Variants in CNGB1 observed in about 807,000 individuals in gnomAD.
The protein encoded by CNGB1 is cyclic nucleotide gated channel subunit beta 1.
In CNGB1, 126 loss-of-function variants were observed where a neutral mutation model predicts 151.7. That is an observed-to-expected ratio of 0.83 (90% confidence interval 0.72 to 0.96). CNGB1 has a LOEUF of 0.96. Ranked by LOEUF, CNGB1 falls within the 40% of genes least tolerant of loss-of-function variation. The pLI, the probability that CNGB1 is intolerant of heterozygous loss-of-function variation, is 0.00. For missense variants in CNGB1, 1,698 were observed against 1,627.0 expected (o/e 1.04, Z -0.75); for synonymous variants, 623 against 635.1 (o/e 0.98, Z 0.29).
At chr16:57,894,575 C>G (rs1960174001) in intron 31 of CNGB1, among the ~76,000 whole-genome samples, 1 of 152,086 alleles carries the variant, frequency 6.6e-6, no homozygotes, top group Non-Finnish European at 1.5e-5. Context: ...CACTCCAGCC[C>G]AGGCTACAGA....
chr16:57,899,605 A>G (rs1039413466), intron 29 of CNGB1, among the ~76,000 whole-genome samples: 13 of 152,028 alleles, frequency 8.6e-5, no homozygotes, highest in Admixed American at 7.9e-4. Flanking sequence ...GTGCCACTGC[A>G]CTCCACCCTG....
chr16:57,935,652 C>T (rs574563986), intron 16 of CNGB1, among the ~76,000 whole-genome samples: 2 of 150,138 alleles, frequency 1.3e-5, no homozygotes, highest in African/African-American at 4.9e-5. Flanking sequence ...CGTCCCCCCC[C>T]AAAAAAAAAT....
chr16:57,913,459 T>C (rs1288243277), intron 23 of CNGB1, among the ~76,000 whole-genome samples: 1 of 152,208 alleles, frequency 6.6e-6, no homozygotes, highest in Non-Finnish European at 1.5e-5. Flanking sequence ...GAGCACCTAT[T>C]ATATGACTGG....
At chr16:57,955,100 T>C in intron 12 of CNGB1, 2 of 1,401,842 alleles carry the variant, frequency 1.4e-6, no homozygotes, top group Non-Finnish European at 1.9e-6. Context: ...CTAGCCTAAA[T>C]CTTGCAGGCT....
Position 57,883,723 on chromosome 16 carries a change from A to C in CNGB1, c.*441T>G. Reference sequence around the variant, plus strand: ...CATGAGCCACCATGCCCGGCAGTGAAGTATTTTCTATCCTTGAAATGTGTT... The same window carrying C: ...CATGAGCCACCATGCCCGGCAGTGACGTATTTTCTATCCTTGAAATGTGTT... On this transcript the variant is annotated 3_prime_UTR_variant, in exon 33 of 33. Coordinates refer to ENST00000251102, the MANE Select transcript of CNGB1 (RefSeq NM_001297.5). The C allele has an allele frequency of 4.5e-6, 1 of 223,602 alleles. No homozygotes were observed. Among genetic ancestry groups the C allele is most frequent in the Non-Finnish European group, 9.0e-6 (1 of 111,326 alleles). 13.9% of individuals were successfully genotyped at this position (223,602 alleles called of 1,614,324 possible).
At chr16:57,887,086 A>G (rs1178036373) in intron 32 of CNGB1, among the ~76,000 whole-genome samples, 2 of 152,130 alleles carry the variant, frequency 1.3e-5, no homozygotes, top group African/African-American at 4.8e-5. Flanking sequence ...AGTTCTCGCT[A>G]TGTTGCCCAG....
chr16:57,908,516 A>G (rs1960619019), intron 25 of CNGB1, among the ~76,000 whole-genome samples: 1 of 152,182 alleles, frequency 6.6e-6, no homozygotes, highest in Admixed American at 6.5e-5. Flanking sequence ...TGGCTGACTG[A>G]GCGCCCACTG....
chr16:57,908,217 C>T (rs1431015107), intron 25 of CNGB1, among the ~76,000 whole-genome samples: 2 of 152,228 alleles, frequency 1.3e-5, no homozygotes, highest in Admixed American at 1.3e-4. Context: ...AGGCGTGGCT[C>T]CCCCTCGGGG....
At position 57,917,457 on chromosome 16, in the gene CNGB1, C is replaced by A; in HGVS notation, c.1977G>T (p.Trp659Cys). The A allele has an allele frequency of 6.2e-7, 1 of 1,614,084 alleles. No individual in the cohort carries two copies. The highest frequency in any genetic ancestry group is 8.5e-7 in the Non-Finnish European group (1 of 1,180,022). The part of the protein sequence containing the change: ...DPLTNLMYVL[W>C]LFFVVMAWNW... ...TCCAGGCCATCACCACGAAGAACAG[C>A]CATAGGACATACATCAGGTCTGTGG... Residue 659 changes from tryptophan (W) to cysteine (C), a missense_variant, in exon 21 of 33, where the codon TGG becomes TGT. Physicochemically the swap from Trp to Cys is radical, Grantham distance 215. Coordinates refer to ENST00000251102, the MANE Select transcript of CNGB1 (RefSeq NM_001297.5).
intron 27 of CNGB1, 57 bp downstream of exon 27, chr16:57,903,765 C>T: frequency 6.2e-7 from 1 of 1,603,464 alleles, no homozygotes; most frequent in Non-Finnish European, 8.5e-7. Context: ...TGGCACCGGG[C>T]ACCAGGCGAC....
Position 57,903,884 on chromosome 16 carries a change from T to G in CNGB1, c.2732A>C (p.Lys911Thr). ...VKYMNFYKIP[K>T]SVQNRVKTWY... Reference sequence around the variant, plus strand: ...GGTCTTGACGCGGTTCTGCACGGACTTGGGGATCTTGTAGAAATTCATGTA... The same window carrying G: ...GGTCTTGACGCGGTTCTGCACGGACGTGGGGATCTTGTAGAAATTCATGTA... The change falls in exon 27 of 33, where the codon AAG becomes ACG. Residue 911 changes from lysine (K) to threonine (T), a missense_variant. By Grantham distance (78) the Lys-to-Thr change is moderately conservative (BLOSUM62 -1). Transcript: ENST00000251102. The G allele has an allele frequency of 6.2e-7, 1 of 1,614,098 alleles. No individual in the cohort carries two copies. The highest frequency in any genetic ancestry group is 8.5e-7 in the Non-Finnish European group (1 of 1,180,010).
At chr16:57,913,739 T>C (rs1960793281) in intron 23 of CNGB1, among the ~76,000 whole-genome samples, 1 of 152,220 alleles carries the variant, frequency 6.6e-6, no homozygotes. Flanking sequence ...CCTCAGCCTC[T>C]TAAAGTGCTG....
At chr16:57,945,469 C>T (rs1157730716) in intron 14 of CNGB1, among the ~76,000 whole-genome samples, 1 of 152,224 alleles carries the variant, frequency 6.6e-6, no homozygotes, top group East Asian at 1.9e-4. Context: ...CAAGTCACCT[C>T]GAAGCCCTTG....
At chr16:57,940,415 A>G (rs1375594096) in intron 14 of CNGB1, 94 bp from the exon 15 acceptor site, 2 of 1,254,274 alleles carry the variant, frequency 1.6e-6, no homozygotes, top group Non-Finnish European at 2.2e-6. Flanking sequence ...CTGTGCCAGG[A>G]GCGGAGGGTA....
intron 17 of CNGB1, among the ~76,000 whole-genome samples, chr16:57,931,359 T>A (rs1181294383): frequency 2.0e-5 from 3 of 152,112 alleles, no homozygotes; most frequent in African/African-American, 7.2e-5. Flanking sequence ...TTCGCTATGT[T>A]GGCCAGGCTG....
rs367678786 is a variant in CNGB1, at chr16:57,912,938, G to A, written c.2361C>T (p.Tyr787=). Residue 787 remains tyrosine, a synonymous_variant, in exon 24 of 33, where the codon TAC becomes TAT. Coordinates refer to ENST00000251102, the MANE Select transcript of CNGB1 (RefSeq NM_001297.5). Reference sequence around the variant, plus strand: ...TGCAGGGGGAGTCTCACCTGTACACGTAGGCTTTGCTGAGGATGGATTCCA... The same window carrying A: ...TGCAGGGGGAGTCTCACCTGTACACATAGGCTTTGCTGAGGATGGATTCCA... ...SRLESILSKA[Y]VYRVIRTTAY... is the part of the protein sequence containing the mutation. 1.1e-5 allele frequency: 17 copies of A among 1,613,818 alleles called. No homozygotes were observed. Among genetic ancestry groups the A allele is most frequent in the Admixed American group, 3.3e-5 (2 of 60,020 alleles).
At chr16:57,912,888 T>C (rs748452671) in intron 24 of CNGB1, 42 bp downstream of exon 24, 17 of 1,591,380 alleles carry the variant, frequency 1.1e-5, no homozygotes, top group Admixed American at 1.7e-5. Context: ...TTTGTGAGTG[T>C]CATGTGTGTG....
At chr16:57,924,553 G>C (rs1412028664) in intron 17 of CNGB1, among the ~76,000 whole-genome samples, 3 of 152,104 alleles carry the variant, frequency 2.0e-5, no homozygotes, top group Non-Finnish European at 4.4e-5. Flanking sequence ...CAAGAGTCTG[G>C]GGACATGGGT....
chr16:57,921,681 C>T (rs1961040016), intron 18 of CNGB1, among the ~76,000 whole-genome samples: 1 of 152,190 alleles, frequency 6.6e-6, no homozygotes, highest in South Asian at 2.1e-4. Context: ...AGCTCTCAGA[C>T]ACAATACATG....
Sources: gnomAD v4.1 joint callset for allele counts (sites outside exome capture counted in the v4.1 genomes callset) on GRCh38, gnomAD v4.1.1 for gene constraint, MANE v1.5 for transcripts, NCBI Gene and HGNC (gene_info 2026-07-23, HGNC 2026-07-21) for gene names.